The following AGA variants were observed in gnomAD, a reference collection of about 807,000 sequenced individuals.
AGA encodes N(4)-(beta-N-acetylglucosaminyl)-L-asparaginase.
AGA carries 31 observed loss-of-function variants against 40.1 expected under a neutral mutation model. The ratio of observed to expected loss-of-function variants is 0.77; its 90% CI spans 0.58 to 1.04. The LOEUF (loss-of-function observed/expected upper bound fraction) is 1.04. Ranked by LOEUF, AGA falls within the 50% of genes least tolerant of loss-of-function variation. The pLI, the probability that AGA is intolerant of heterozygous loss-of-function variation, is 0.00. For missense variants in AGA, 445 were observed against 435.4 expected (o/e 1.02, Z -0.20); for synonymous variants, 148 against 144.0 (o/e 1.03, Z -0.20).
rs958207509 is a variant in AGA at position 177,431,910 on chromosome 4, C to A, written c.941-102G>T. Reference sequence around the variant, plus strand: ...TTGACTAGACACTGGCTACTGTATACCTTATGTCTAAGCCACATGGAAATA... The same window carrying A: ...TTGACTAGACACTGGCTACTGTATAACTTATGTCTAAGCCACATGGAAATA... On this transcript the variant is annotated intron_variant, in intron 8 of 8. Coordinates refer to ENST00000264595, the MANE Select transcript of AGA (RefSeq NM_000027.4). 3.2e-6 allele frequency: 3 copies of A among 946,594 alleles called. No homozygotes were observed. In the Admixed American group the frequency reaches 6.0e-5, roughly 19 times the overall value. 58.6% of individuals were successfully genotyped at this position (946,594 alleles called of 1,614,324 possible).
Position 177,433,365 on chromosome 4 carries a change from G to A in AGA, c.807-18C>T. The A allele has an allele frequency of 6.2e-7, 1 of 1,613,894 alleles. No homozygotes were observed. Among genetic ancestry groups the A allele is most frequent in the South Asian group, 1.1e-5 (1 of 91,078 alleles). On this transcript the variant is annotated intron_variant, in intron 7 of 8. Coordinates refer to ENST00000264595, the MANE Select transcript of AGA (RefSeq NM_000027.4). ...CTTGGTAGCTGATTGAAACAGAGGT[G>A]AAACCTTAGTGTCTCAGAATAAATA... is the stretch of plus-strand genomic sequence containing the variant.
At chr4:177,442,155 T>C in intron 1 of AGA, 94 bp downstream of exon 1, 2 of 1,559,870 alleles carry the variant, frequency 1.3e-6, no homozygotes, top group Non-Finnish European at 1.7e-6. Context: ...CGCTCTTCCG[T>C]CCGCCCTGCC....
In AGA at chr4:177,439,704, A is replaced by G; in HGVS notation, c.282-16T>C. ...CATAGTAGTGCTGCAAGAAAATAGA[A>G]TGCAGTTAGGAATTAAGGAGTTTTC... On this transcript the variant is annotated splice_polypyrimidine_tract_variant and intron_variant, in intron 2 of 8. Transcript: ENST00000264595. 1 of 1,554,350 alleles carries G rather than the reference A, an allele frequency of 6.4e-7. No homozygotes were observed. The highest frequency in any genetic ancestry group is 8.9e-7 in the Non-Finnish European group (1 of 1,126,658).
chr4:177,439,070 T>C (rs554486000), intron 3 of AGA, among the ~76,000 whole-genome samples: 3 of 152,252 alleles, frequency 2.0e-5, no homozygotes, highest in East Asian at 1.9e-4. Context: ...CTTAAAACCT[T>C]TGGGGCATGC....
intron 2 of AGA, 115 bp downstream of exon 2, chr4:177,440,158 A>C: frequency 1.6e-6 from 2 of 1,269,508 alleles, no homozygotes; most frequent in South Asian, 2.4e-5. Flanking sequence ...CAAGTATAAT[A>C]AGCTAGGGGT....
In AGA at chr4:177,436,369, A is replaced by C. The variant is rs2111013629; in HGVS notation, c.623-18T>G. 7 of 1,604,692 alleles carry C rather than the reference A, an allele frequency of 4.4e-6. No individual in the cohort carries two copies. Among genetic ancestry groups the C allele is most frequent in the Non-Finnish European group, 6.0e-6 (7 of 1,173,336 alleles). ...AACCATGCCTAGAAGTTAAAAAAAA[A>C]AAATCACTGTAGGTGTATAAAGTTT... On this transcript the variant is annotated intron_variant, in intron 5 of 8. Coordinates refer to ENST00000264595, the MANE Select transcript of AGA (RefSeq NM_000027.4).
Position 177,431,225 on chromosome 4 carries a change from T to G in AGA, c.*483A>C, listed in dbSNP as rs765744152. ...CTTCCTTCCTCAAGTTTTTAGGGAA[T>G]ATTAAGTAAAACCAATAATCAGTGC... is the stretch of plus-strand genomic sequence containing the variant. On this transcript the variant is annotated 3_prime_UTR_variant, in exon 9 of 9. Coordinates refer to ENST00000264595, the MANE Select transcript of AGA (RefSeq NM_000027.4). 7 of 441,898 alleles carry G rather than the reference T, an allele frequency of 1.6e-5. 1 individual carries two copies. In the East Asian group the frequency reaches 4.9e-4, roughly 31 times the overall value. 27.4% of individuals were successfully genotyped at this position (441,898 alleles called of 1,614,324 possible).
Position 177,434,489 on chromosome 4 carries a change from G to A in AGA, c.699C>T (p.Gly233=), listed in dbSNP as rs267600103. The part of the protein sequence containing the change: ...STNGIKFKIH[G]RVGDSPIPGA... The stretch of plus-strand genomic sequence containing the variant: ...CAGGTATTGGTGAGTCTCCTACACG[G>A]CTTTGAGAGGGTATTAACAATTTAC... Residue 233 remains glycine (G), a splice_region_variant and synonymous_variant, in exon 7 of 9, where the codon GGC becomes GGT. Transcript: ENST00000264595. 1 of 1,613,366 alleles carries A rather than the reference G, an allele frequency of 6.2e-7. No individual in the cohort carries two copies. The highest frequency in any genetic ancestry group is 8.5e-7 in the Non-Finnish European group (1 of 1,179,302).
At chr4:177,435,788 GCACGCA>G (rs1174229828) in intron 6 of AGA, among the ~76,000 whole-genome samples, 1 of 148,522 alleles carries the variant, frequency 6.7e-6, no homozygotes, top group African/African-American at 2.5e-5. Flanking sequence ...CCCTGAGCGT[GCACGCA>G]CACGCACACA....
Position 177,442,338 on chromosome 4 carries a change from G to A in AGA, c.38C>T (p.Pro13Leu), listed in dbSNP as rs759832068. 8.7e-6 allele frequency: 14 copies of A among 1,614,006 alleles called. No individual in the cohort carries two copies. The highest frequency in any genetic ancestry group is 4.5e-5 in the East Asian group (2 of 44,890). Residue 13 changes from proline (P) to leucine (L), a missense_variant, in exon 1 of 9, where the codon CCG (proline) becomes CTG (leucine). Coordinates refer to ENST00000264595, the MANE Select transcript of AGA (RefSeq NM_000027.4). Reference protein sequence around the residue: ...RKSNLPVLLVPFLLCQALVRC... With the variant: ...RKSNLPVLLVLFLLCQALVRC... Reference sequence around the variant, plus strand: ...CACTAGGGCCTGGCAGAGCAGAAACGGCACGAGAAGCACAGGCAAGTTCGA... The same window carrying A: ...CACTAGGGCCTGGCAGAGCAGAAACAGCACGAGAAGCACAGGCAAGTTCGA...
rs1402671130 is a variant in AGA, at chr4:177,431,569, T to C, written c.*139A>G. ...CAATTTCAGATATAGAAAGTGCCAA[T>C]TCAACATAAATTTATTTTTGTGTTT... On this transcript the variant is annotated 3_prime_UTR_variant, in exon 9 of 9. Transcript: ENST00000264595. 9.4e-6 allele frequency: 7 copies of C among 748,554 alleles called. No individual in the cohort carries two copies. Among genetic ancestry groups the C allele is most frequent in the Non-Finnish European group, 1.6e-5 (7 of 426,458 alleles). The allele number at this position is 748,554 out of a possible 1,614,324, so 46.4% of individuals were successfully genotyped here. A position where few individuals can be genotyped will look rare whatever the true frequency, so the allele number is the denominator to read the frequency against.
At chr4:177,435,520 C>T (rs1294102107) in intron 6 of AGA, among the ~76,000 whole-genome samples, 5 of 152,276 alleles carry the variant, frequency 3.3e-5, no homozygotes, top group Admixed American at 2.6e-4. Context: ...TAATCTATTT[C>T]CGCTTCCTAT....
intron 5 of AGA, among the ~76,000 whole-genome samples, chr4:177,436,635 GC>G (rs1455702918): frequency 1.3e-5 from 2 of 152,096 alleles, no homozygotes; most frequent in Non-Finnish European, 2.9e-5. Context: ...GCAAGAAGAC[GC>G]CATCCATGAG....
intron 8 of AGA, among the ~76,000 whole-genome samples, chr4:177,432,252 T>C (rs1736656776): frequency 6.6e-6 from 1 of 152,194 alleles, no homozygotes; most frequent in African/African-American, 2.4e-5. Context: ...TTTGTCAAGA[T>C]GCTTTGTCTA....
At position 177,436,126 on chromosome 4, in the gene AGA, G is replaced by T; in HGVS notation, c.698+150C>A. On this transcript the variant is annotated intron_variant, in intron 6 of 8. Coordinates refer to ENST00000264595, the MANE Select transcript of AGA (RefSeq NM_000027.4). ...ACTGGCTGTGACTCCCTCTCCTGTGGCACTCAGCAGAGAGTACTGCATTTT... is the reference window on the plus strand; with the variant it reads ...ACTGGCTGTGACTCCCTCTCCTGTGTCACTCAGCAGAGAGTACTGCATTTT... 5.6e-6 allele frequency: 4 copies of T among 710,342 alleles called. No individual in the cohort carries two copies. The Admixed American group carries it at 8.2e-5, about 15-fold the overall frequency. The allele number at this position is 710,342 out of a possible 1,614,324, so 44.0% of individuals were successfully genotyped here.
chr4:177,433,155 G>A, intron 8 of AGA, 59 bp downstream of exon 8: 1 of 1,604,784 alleles, frequency 6.2e-7, no homozygotes, highest in African/African-American at 1.3e-5. Flanking sequence ...TATTTAAAAA[G>A]TGTATGTTTT....
chr4:177,442,126 G>C, intron 1 of AGA, 123 bp downstream of exon 1: 1 of 1,435,752 alleles, frequency 7.0e-7, no homozygotes, highest in Non-Finnish European at 9.4e-7. Flanking sequence ...GCGGGACCGC[G>C]AGGCCCGGCC....
rs1579040290 is a variant in AGA, at chr4:177,434,413, T to C, written c.775A>G (p.Asn259Asp). 1 of 1,614,176 alleles carries C rather than the reference T, an allele frequency of 6.2e-7. No individual in the cohort carries two copies. Among genetic ancestry groups the C allele is most frequent in the Non-Finnish European group, 8.5e-7 (1 of 1,180,030 alleles). ...AGGAAGCGCATCAATATATCACCATTCCCAGTGGCTGCGGCTGCCCCTGCA... is the reference window on the plus strand; with the variant it reads ...AGGAAGCGCATCAATATATCACCATCCCCAGTGGCTGCGGCTGCCCCTGCA... Reference protein sequence around the residue: ...DTAGAAAATGNGDILMRFLPS... With the variant: ...DTAGAAAATGDGDILMRFLPS... Residue 259 changes from asparagine to aspartate, a missense_variant, in exon 7 of 9, where the codon AAT becomes GAT. Transcript: ENST00000264595.
Position 177,439,602 on chromosome 4 carries a change from GTTGT to G in AGA, c.364_367del (p.Thr122HisfsTer5). ...TGACTCTCCTACTAAAAGTGTGTGT[GTTGT>G]ATGTTCCAGTACTTTCCGTGCCACA... On this transcript the variant is annotated frameshift_variant, in exon 3 of 9. Coordinates refer to ENST00000264595, the MANE Select transcript of AGA (RefSeq NM_000027.4). LOFTEE classifies it high-confidence loss of function. 2 of 1,613,632 alleles carry G rather than the reference GTTGT, an allele frequency of 1.2e-6. No individual in the cohort carries two copies. Among genetic ancestry groups the G allele is most frequent in the Non-Finnish European group, 1.7e-6 (2 of 1,179,648 alleles).
Sources: allele counts gnomAD v4.1 joint callset (sites outside exome capture counted in the v4.1 genomes callset), GRCh38; gene constraint gnomAD v4.1.1; transcripts MANE v1.5; gene names NCBI Gene and HGNC (gene_info 2026-07-23, HGNC 2026-07-21).